Variants in PTPN9 observed in about 807,000 individuals in gnomAD.
PTPN9 encodes tyrosine-protein phosphatase non-receptor type 9.
Under a neutral mutation model 69.8 loss-of-function variants are expected in PTPN9, and 26 were observed. That is an observed-to-expected ratio of 0.37 (90% CI 0.27 to 0.52). PTPN9 has a LOEUF of 0.52. PTPN9 is among the 20% of genes least tolerant of loss of function. The pLI is 0.91. For missense variants in PTPN9, 549 were observed against 740.3 expected (o/e 0.74, Z 3.00); for synonymous variants, 274 against 272.5 (o/e 1.01, Z -0.05).
chr15:75,526,574 G>A (rs1163275513), intron 2 of PTPN9, among the ~76,000 whole-genome samples: 1 of 151,922 alleles, frequency 6.6e-6, no homozygotes, highest in Non-Finnish European at 1.5e-5. Flanking sequence ...CAAAGTCTAT[G>A]CCCCCTCAAA....
chr15:75,578,715 T>C lies in PTPN9; in HGVS notation c.62A>G (p.Gln21Arg). ...MAPELTPEEE[Q>R]ATKQFLEEIN... ...CGCGGCGGCCTCGGGCCCGCTTACC[T>C]GCTCCTCCTCCGGGGTCAGCTCCGG... is the stretch of plus-strand genomic sequence containing the variant. The change falls in exon 1 of 13, where the codon CAG (glutamine) becomes CGG (arginine). Residue 21 changes from glutamine to arginine, a missense_variant and splice_region_variant. Physicochemically the swap from Gln to Arg is conservative, Grantham distance 43. This residue lies in a region of PTPN9 where 62 missense variants were observed against 53.6 expected (regional missense o/e 1.16). Coordinates refer to ENST00000618819, the MANE Select transcript of PTPN9 (RefSeq NM_002833.4). 2.2e-6 allele frequency: 3 copies of C among 1,370,978 alleles called. No homozygotes were observed. The highest frequency in any genetic ancestry group is 2.8e-6 in the Non-Finnish European group (3 of 1,059,022). 84.9% of individuals were successfully genotyped at this position (1,370,978 alleles called of 1,614,324 possible).
intron 1 of PTPN9, chr15:75,570,160 G>A (rs191501308): frequency 6.6e-6 from 1 of 152,040 alleles, no homozygotes; most frequent in African/African-American, 2.4e-5. Flanking sequence ...ATCCAAATGA[G>A]GTTTTACCTA....
rs2074543388 is a variant in PTPN9 at position 75,467,853 on chromosome 15, A to G, written c.*916T>C. Reference sequence around the variant, plus strand: ...TCTGTTCCCCAAATTGGCCAAGTAAATGTAGAAAAATCATCGGATAAGGGA... The same window carrying G: ...TCTGTTCCCCAAATTGGCCAAGTAAGTGTAGAAAAATCATCGGATAAGGGA... On this transcript the variant is annotated 3_prime_UTR_variant, in exon 13 of 13. Transcript: ENST00000618819. 1 of 152,624 alleles carries G rather than the reference A, an allele frequency of 6.6e-6. No homozygotes were observed. Among genetic ancestry groups the G allele is most frequent in the South Asian group, 2.1e-4 (1 of 4,828 alleles). The allele number at this position is 152,624 out of a possible 1,614,324, so 9.5% of individuals were successfully genotyped here.
At chr15:75,505,540 CA>C in intron 7 of PTPN9, 134 bp downstream of exon 7, 1 of 577,944 alleles carries the variant, frequency 1.7e-6, no homozygotes, top group South Asian at 2.9e-5. Flanking sequence ...GAGAAACCAT[CA>C]TTTATGTGAG....
At position 75,524,119 on chromosome 15, in the gene PTPN9, A is replaced by T. The variant is rs866540498; in HGVS notation, c.297+90T>A. 7.9e-5 allele frequency: 21 copies of T among 265,488 alleles called. No individual in the cohort carries two copies. The East Asian group carries it at 1.0e-3, about 13-fold the overall frequency. 16.4% of individuals were successfully genotyped at this position (265,488 alleles called of 1,614,324 possible). Reference sequence around the variant, plus strand: ...TTAAAGTATAATAATAATAAAATTAAAAAAAAAAAAAAAAAAACAAAGTCC... The same window carrying T: ...TTAAAGTATAATAATAATAAAATTATAAAAAAAAAAAAAAAAACAAAGTCC... On this transcript the variant is annotated intron_variant, in intron 3 of 12. Transcript: ENST00000618819.
intron 1 of PTPN9, among the ~76,000 whole-genome samples, chr15:75,530,649 ATAT>A (rs148431172): frequency 0.037 from 1,340 of 36,292 alleles, 151 homozygotes; most frequent in African/African-American, 0.079. Context: ...ACTATAATAT[ATAT>A]TATTATATAA....
At chr15:75,557,028 C>T (rs2075080930) in intron 1 of PTPN9, among the ~76,000 whole-genome samples, 2 of 152,182 alleles carry the variant, frequency 1.3e-5, no homozygotes, top group Admixed American at 1.3e-4. Flanking sequence ...ATCAAGACTG[C>T]CTTCCTTTTA....
intron 5 of PTPN9, among the ~76,000 whole-genome samples, chr15:75,510,846 T>G (rs1288179078): frequency 6.6e-6 from 1 of 152,174 alleles, no homozygotes; most frequent in African/African-American, 2.4e-5. Flanking sequence ...ACAAAAACCC[T>G]GTACCCATTA....
chr15:75,540,639 A>T (rs950925942), intron 1 of PTPN9, among the ~76,000 whole-genome samples: 1 of 151,778 alleles, frequency 6.6e-6, no homozygotes, highest in Admixed American at 6.6e-5. Context: ...TCCTGTTTGT[A>T]CTTTTCAGTT....
chr15:75,470,985 C>T, intron 10 of PTPN9, 155 bp from the exon 11 acceptor site: 1 of 901,764 alleles, frequency 1.1e-6, no homozygotes. Flanking sequence ...GGAAAGGAAA[C>T]CTCTTCATTC....
intron 1 of PTPN9, among the ~76,000 whole-genome samples, chr15:75,537,529 G>A (rs556680747): frequency 2.7e-4 from 40 of 146,000 alleles, no homozygotes; most frequent in African/African-American, 9.4e-4. Flanking sequence ...TTAGGTGGGT[G>A]GACCATGAGG....
intron 1 of PTPN9, among the ~76,000 whole-genome samples, chr15:75,539,064 T>C (rs187825208): frequency 5.5e-4 from 83 of 152,192 alleles, no homozygotes; most frequent in Admixed American, 1.5e-3. Flanking sequence ...GGAAACAGCA[T>C]TGGAAGATAA....
chr15:75,494,595 T>C (rs1435680516), intron 7 of PTPN9, among the ~76,000 whole-genome samples: 1 of 151,896 alleles, frequency 6.6e-6, no homozygotes, highest in Non-Finnish European at 1.5e-5. Flanking sequence ...TCAGGTGATC[T>C]GCCCTCCTCA....
intron 1 of PTPN9, among the ~76,000 whole-genome samples, chr15:75,572,718 A>AAAG: frequency 6.6e-6 from 1 of 152,264 alleles, no homozygotes; most frequent in East Asian, 1.9e-4. Context: ...AAAAAAAAGA[A>AAAG]AAAAAGAAAG....
intron 1 of PTPN9, among the ~76,000 whole-genome samples, chr15:75,538,003 G>A (rs2074992464): frequency 6.6e-6 from 1 of 152,016 alleles, no homozygotes; most frequent in Admixed American, 6.6e-5. Flanking sequence ...AGGTTGCAGT[G>A]AGCCAAGATT....
chr15:75,473,263 T>A (rs1029860684), intron 10 of PTPN9, among the ~76,000 whole-genome samples: 1 of 151,818 alleles, frequency 6.6e-6, no homozygotes, highest in Non-Finnish European at 1.5e-5. Context: ...TTTTTTTTTT[T>A]AATTGAGACA....
rs1347527834 is a variant in PTPN9 at position 75,490,035 on chromosome 15, C to T, written c.1062+173G>A. ...TTTCCACTCAATACTGTGAGATGGG[C>T]ATTTGAGGACTTGCCTATGGTCACA... On this transcript the variant is annotated intron_variant, in intron 8 of 12. Transcript: ENST00000618819. Among the ~76,000 whole-genome samples the T allele has an allele frequency of 4.6e-5, 7 of 152,182 alleles. No individual in the cohort carries two copies. In the South Asian group the frequency reaches 8.3e-4, roughly 18 times the overall value.
intron 1 of PTPN9, among the ~76,000 whole-genome samples, chr15:75,527,854 CAA>C (rs541275769): frequency 2.4e-5 from 3 of 125,658 alleles, no homozygotes; most frequent in African/African-American, 3.0e-5. Context: ...GAAACTGTCT[CAA>C]AAAAAAAAAG....
intron 1 of PTPN9, among the ~76,000 whole-genome samples, chr15:75,545,826 G>A (rs1180662189): frequency 6.6e-6 from 1 of 152,170 alleles, no homozygotes; most frequent in Non-Finnish European, 1.5e-5. Flanking sequence ...GCGCACGCCT[G>A]TAGTCCCAGC....
Sources: allele counts gnomAD v4.1 joint callset (sites outside exome capture counted in the v4.1 genomes callset), GRCh38; gene constraint gnomAD v4.1.1; regional missense constraint gnomAD v4.1.1; transcripts MANE v1.5; gene names NCBI Gene and HGNC (gene_info 2026-07-23, HGNC 2026-07-21).